The following MAN2B1 variants were observed in gnomAD, a reference collection of about 807,000 sequenced individuals.
MAN2B1 encodes the protein mannosidase alpha class 2B member 1.
In MAN2B1, 99 loss-of-function variants were observed where a neutral mutation model predicts 127.5. The observed-to-expected ratio is 0.78, with a 90% CI of 0.66 to 0.92. The LOEUF is 0.92. Among genes scored for constraint, MAN2B1 ranks in the 40% least tolerant of loss-of-function variants. The pLI, the probability that MAN2B1 is intolerant of heterozygous loss-of-function variation, is 0.00. For missense variants in MAN2B1, 1,304 were observed against 1,384.8 expected (o/e 0.94, Z 0.93); for synonymous variants, 573 against 568.8 (o/e 1.01, Z -0.11).
rs757635212 is a variant in MAN2B1 at position 12,655,784 on chromosome 19, T to C, written c.1740A>G (p.Val580=). 2 of 1,610,846 alleles carry C rather than the reference T, an allele frequency of 1.2e-6. No individual in the cohort carries two copies. Among genetic ancestry groups the C allele is most frequent in the East Asian group, 4.5e-5 (2 of 44,750 alleles). ...GGGGCTTCCAGCGAGGCACCTGGGC[T>C]ACTGAATAGGTGCTGAAGCCCAGGG... ...LPALGFSTYS[V]AQVPRWKPQA... Residue 580 remains valine (V), a synonymous_variant, in exon 14 of 24, where the codon GTA becomes GTG. Transcript: ENST00000456935.
rs764163268 is a variant in MAN2B1, at chr19:12,656,288, C to T, written c.1644+283G>A. ...TGGCTCATGCCTATAATCCAGCAGG[C>T]GGAGTTTGAAGTGAGCCAAGATCGC... On this transcript the variant is annotated intron_variant, in intron 13 of 23. Transcript: ENST00000456935. The T allele has an allele frequency of 8.6e-6, 4 of 464,402 alleles. 1 individual carries two copies. Among genetic ancestry groups the T allele is most frequent in the Non-Finnish European group, 1.5e-5 (4 of 258,378 alleles). The allele number at this position is 464,402 out of a possible 1,614,324, so 28.8% of individuals were successfully genotyped here. A position where few individuals can be genotyped will look rare whatever the true frequency, so the allele number is the denominator to read the frequency against.
At chr19:12,661,470 T>A in intron 6 of MAN2B1, 94 bp from the exon 7 acceptor site, 1 of 844,082 alleles carries the variant, frequency 1.2e-6, no homozygotes, top group Admixed American at 1.7e-5. Flanking sequence ...GGATGTTGGG[T>A]GCACAGGCAT....
intron 13 of MAN2B1, 116 bp downstream of exon 13, chr19:12,656,455 A>C: frequency 3.1e-4 from 228 of 730,482 alleles, no homozygotes; most frequent in Middle Eastern, 1.2e-3. Context: ...AGAGGGGGGA[A>C]GAGATATGCA....
intron 6 of MAN2B1, 53 bp downstream of exon 6, chr19:12,663,264 G>A: frequency 6.2e-7 from 1 of 1,603,060 alleles, no homozygotes; most frequent in Non-Finnish European, 8.5e-7. Context: ...ACCATGGAAA[G>A]AGCTCATTGT....
rs121434333 is a variant in MAN2B1 at position 12,658,470 on chromosome 19, G to C, written c.1067C>G (p.Pro356Arg). ...GTTCAGCTCCCAGAGGTAACAAGCG[G>C]GGGTGGAGTAGAGAACATGGACACT... ...GSSVHVLYSTPACYLWELNKA... is the reference protein window; with the variant it reads ...GSSVHVLYSTRACYLWELNKA... Residue 356 changes from proline to arginine, a missense_variant, in exon 8 of 24, where the codon CCC becomes CGC. Physicochemically the swap from Pro to Arg is moderately radical, Grantham distance 103. Transcript: ENST00000456935. 2 of 1,614,092 alleles carry C rather than the reference G, an allele frequency of 1.2e-6. No individual in the cohort carries two copies. Among genetic ancestry groups the C allele is most frequent in the Admixed American group, 3.3e-5 (2 of 60,000 alleles).
chr19:12,664,647 C>T (rs1446388793), intron 4 of MAN2B1, 145 bp downstream of exon 4: 25 of 882,204 alleles, frequency 2.8e-5, no homozygotes, highest in Non-Finnish European at 3.9e-5. Flanking sequence ...ACTGGCTTTA[C>T]GGCTCACTCA....
chr19:12,648,439 G>A, intron 20 of MAN2B1, 37 bp from the exon 21 acceptor site: 1 of 1,507,858 alleles, frequency 6.6e-7, no homozygotes, highest in South Asian at 1.1e-5. Context: ...TGAGAGTCGT[G>A]GGTTTGTGGG....
chr19:12,656,631 C>CA lies in MAN2B1; in HGVS notation c.1583dup (p.Pro529AlafsTer82), dbSNP rs748872992. ...CAACGAAAACGCCTTCGCTGACCGGCAGCCGTACCATCCAATTCACCTTCC... is the reference window on the plus strand; with the variant it reads ...CAACGAAAACGCCTTCGCTGACCGGCAAGCCGTACCATCCAATTCACCTTCC... On this transcript the variant is annotated frameshift_variant, in exon 13 of 24. Coordinates refer to ENST00000456935, the MANE Select transcript of MAN2B1 (RefSeq NM_000528.4). LOFTEE classifies it high-confidence loss of function. 2.5e-6 allele frequency: 4 copies of CA among 1,613,912 alleles called. No individual in the cohort carries two copies. Among genetic ancestry groups the CA allele is most frequent in the Non-Finnish European group, 3.4e-6 (4 of 1,179,970 alleles).
Position 12,658,070 on chromosome 19 carries a change from T to A in MAN2B1, c.1302A>T (p.Ala434=). 6.2e-7 allele frequency: 1 copy of A among 1,607,622 alleles called. No individual in the cohort carries two copies. The highest frequency in any genetic ancestry group is 2.2e-5 in the East Asian group (1 of 44,596). Residue 434 remains alanine (A), a synonymous_variant, in exon 10 of 24, where the codon GCA becomes GCT. Transcript: ENST00000456935. ...NVGPYGSGDS[A]PLNEAMAVLQ... The stretch of plus-strand genomic sequence containing the variant: ...CTTGGGCCCGACACTTACTGAGGGG[T>A]GCACTGTCTCCGGAGCCATAGGGTC...
At position 12,652,147 on chromosome 19, in the gene MAN2B1, C is replaced by A. The variant is rs748175413; in HGVS notation, c.2046+6G>T. ...AACTGCCCACTCATCATTCCTAGTCCCTGACCTTCACCAGGTGGATCTGAG... is the reference window on the plus strand; with the variant it reads ...AACTGCCCACTCATCATTCCTAGTCACTGACCTTCACCAGGTGGATCTGAG... On this transcript the variant is annotated splice_donor_region_variant and intron_variant, in intron 16 of 23. Transcript: ENST00000456935. 8.1e-6 allele frequency: 13 copies of A among 1,611,310 alleles called. No homozygotes were observed. Among genetic ancestry groups the A allele is most frequent in the Non-Finnish European group, 1.0e-5 (12 of 1,177,454 alleles).
intron 13 of MAN2B1, 43 bp downstream of exon 13, chr19:12,656,508 CGATGAGGAAATGCCCACTGG>C: frequency 8.8e-7 from 1 of 1,140,476 alleles, no homozygotes; most frequent in Non-Finnish European, 1.3e-6. Flanking sequence ...TCCATGGGGG[CGATGAGGAAATGCCCACTGG>C]GGGAGGAGTC....
At chr19:12,656,017 C>T in intron 13 of MAN2B1, 138 bp from the exon 14 acceptor site, 1 of 671,500 alleles carries the variant, frequency 1.5e-6, no homozygotes, top group Non-Finnish European at 2.6e-6. Context: ...GGGGGACAGT[C>T]AGATTCCAAG....
At chr19:12,665,123 G>T in intron 3 of MAN2B1, 138 bp from the exon 4 acceptor site, 1 of 1,051,640 alleles carries the variant, frequency 9.5e-7, no homozygotes, top group Non-Finnish European at 1.4e-6. Flanking sequence ...CCAGGCCATA[G>T]TTCCCAGATA....
In MAN2B1 at chr19:12,648,215, C is replaced by T. The variant is rs2145224638; in HGVS notation, c.2624G>A (p.Gly875Asp). The T allele has an allele frequency of 3.2e-6, 5 of 1,568,964 alleles. No individual in the cohort carries two copies. The highest frequency in any genetic ancestry group is 4.3e-6 in the Non-Finnish European group (5 of 1,163,702). The change falls in exon 21 of 24, where the codon GGC (glycine) becomes GAC (aspartate). Residue 875 changes from glycine to aspartate, a missense_variant. By Grantham distance (94) the Gly-to-Asp change is moderately conservative. Coordinates refer to ENST00000456935, the MANE Select transcript of MAN2B1 (RefSeq NM_000528.4). Reference sequence around the variant, plus strand: ...AGCCCCGAGATTGTAGGCGGCGCCGCCACCCGGGGCCAGCACCACCTGAGG... The same window carrying T: ...AGCCCCGAGATTGTAGGCGGCGCCGTCACCCGGGGCCAGCACCACCTGAGG... ...LAPQVVLAPG[G>D]GAAYNLGAPP...
At chr19:12,654,339 GC>G (rs1260594992) in intron 14 of MAN2B1, among the ~76,000 whole-genome samples, 4 of 151,958 alleles carry the variant, frequency 2.6e-5, no homozygotes, top group African/African-American at 9.7e-5. Context: ...ACCGCGCCCG[GC>G]CCCCCCAACC....
At chr19:12,655,600 G>A in intron 14 of MAN2B1, 94 bp downstream of exon 14, 1 of 1,322,096 alleles carries the variant, frequency 7.6e-7, no homozygotes, top group Non-Finnish European at 1.0e-6. Context: ...GAGGTCATAA[G>A]CCTAGGGACC....
chr19:12,658,129 G>T lies in MAN2B1; in HGVS notation c.1243C>A (p.Leu415Met). The change falls in exon 10 of 24, where the codon CTG becomes ATG. Residue 415 changes from leucine to methionine, a missense_variant. Leu to Met is a conservative substitution (Grantham distance 15). Coordinates refer to ENST00000456935, the MANE Select transcript of MAN2B1 (RefSeq NM_000528.4). ...SYNFLQVCNQ[L>M]EALVGLAANV... ...GCCGCCAGGCCCACCAGCGCCTCCA[G>T]CTGGTTGCACACCTGGAGGCAGAGG... 6.2e-7 allele frequency: 1 copy of T among 1,613,584 alleles called. No homozygotes were observed. Among genetic ancestry groups the T allele is most frequent in the Non-Finnish European group, 8.5e-7 (1 of 1,179,976 alleles).
rs543944689 is a variant in MAN2B1, at chr19:12,650,324, T to TCAG, written c.2047-103_2047-102insCTG. On this transcript the variant is annotated intron_variant, in intron 16 of 23. Coordinates refer to ENST00000456935, the MANE Select transcript of MAN2B1 (RefSeq NM_000528.4). ...GCCATAAACCCCATTAAGGCCTACA[T>TCAG]CAAGGTCAACCTTCAGTCACCGCCA... The TCAG allele has an allele frequency of 1.7e-4, 126 of 749,806 alleles. No individual in the cohort carries two copies. In the Admixed American group the frequency reaches 2.1e-3, roughly 13 times the overall value. The allele number at this position is 749,806 out of a possible 1,614,324, so 46.4% of individuals were successfully genotyped here.
In MAN2B1 at chr19:12,647,307, C is replaced by G. The variant is rs139041112; in HGVS notation, c.2849G>C (p.Arg950Pro). The G allele has an allele frequency of 6.2e-7, 1 of 1,614,080 alleles. No individual in the cohort carries two copies. The highest frequency in any genetic ancestry group is 8.5e-7 in the Non-Finnish European group (1 of 1,179,992). The change falls in exon 23 of 24, where the codon CGC (arginine) becomes CCC (proline). Residue 950 changes from arginine (R) to proline (P), a missense_variant. Physicochemically the swap from Arg to Pro is moderately radical, Grantham distance 103. Transcript: ENST00000456935. The surrounding 1 kb of genome is among the most constrained non-coding windows in gnomAD (Gnocchi z 4.9). Reference sequence around the variant, plus strand: ...GGCCACCAGCGTGGTCTCCTGCAGGCGGGTGATGGTGAAGGTGGAGAACAG... The same window carrying G: ...GGCCACCAGCGTGGTCTCCTGCAGGGGGGTGATGGTGAAGGTGGAGAACAG... Reference protein sequence around the residue: ...RDLFSTFTITRLQETTLVANQ... With the variant: ...RDLFSTFTITPLQETTLVANQ...
Sources: allele counts gnomAD v4.1 joint callset (sites outside exome capture counted in the v4.1 genomes callset), GRCh38; gene constraint gnomAD v4.1.1; non-coding constraint Gnocchi (gnomAD v3.1); transcripts MANE v1.5; gene names NCBI Gene and HGNC (gene_info 2026-07-23, HGNC 2026-07-21).